SPOCK3: variants seen among roughly 807,000 people sequenced by gnomAD.
SPOCK3 encodes the protein testican-3.
SPOCK3 carries 30 observed loss-of-function variants against 56.6 expected under a neutral mutation model. That is an observed-to-expected ratio of 0.53 (90% CI 0.40 to 0.72). SPOCK3 has a LOEUF of 0.72. Among genes scored for constraint, SPOCK3 ranks in the 30% least tolerant of loss-of-function variants. SPOCK3 has a pLI of 0.00. For synonymous variants in SPOCK3, 196 were observed against 183.3 expected (o/e 1.07, Z -0.56); for missense variants, 527 against 530.0 (o/e 0.99, Z 0.06).
At chr4:167,195,921 G>T (rs564658078) in intron 2 of SPOCK3, among the ~76,000 whole-genome samples, 1 of 152,226 alleles carries the variant, frequency 6.6e-6, no homozygotes, top group Non-Finnish European at 1.5e-5. Context: ...ACTATTGCTG[G>T]GGGAAATACC....
At chr4:167,158,357 T>G (rs568501072) in intron 2 of SPOCK3, among the ~76,000 whole-genome samples, 1 of 151,976 alleles carries the variant, frequency 6.6e-6, no homozygotes. Flanking sequence ...TTGAAAAATA[T>G]ATTAAAATGT....
intron 2 of SPOCK3, among the ~76,000 whole-genome samples, chr4:167,093,375 G>T (rs1029729676): frequency 2.6e-5 from 4 of 152,022 alleles, no homozygotes; most frequent in African/African-American, 9.7e-5. Context: ...CATGTGCCAT[G>T]GTGGCTTGCT....
At chr4:167,048,186 T>A (rs1293541620) in intron 3 of SPOCK3, among the ~76,000 whole-genome samples, 1 of 152,152 alleles carries the variant, frequency 6.6e-6, no homozygotes, top group Admixed American at 6.6e-5. Flanking sequence ...TATATATTAA[T>A]TATATTGTCA....
intron 2 of SPOCK3, among the ~76,000 whole-genome samples, chr4:167,195,630 G>T (rs1369111798): frequency 6.6e-6 from 1 of 152,176 alleles, no homozygotes; most frequent in Non-Finnish European, 1.5e-5. Flanking sequence ...AAGGTCAGCA[G>T]GCCTATTACC....
intron 2 of SPOCK3, among the ~76,000 whole-genome samples, chr4:167,074,903 G>A (rs879672754): frequency 7.9e-5 from 12 of 151,792 alleles, no homozygotes; most frequent in Admixed American, 3.9e-4. Context: ...CATAGAGTAC[G>A]TACAATGTTT....
At chr4:167,053,602 T>C (rs1754448901) in intron 3 of SPOCK3, among the ~76,000 whole-genome samples, 1 of 151,962 alleles carries the variant, frequency 6.6e-6, no homozygotes, top group African/African-American at 2.4e-5. Context: ...GGAGAATTGC[T>C]TGAACCCAGG....
chr4:167,168,964 G>A (rs979387699), intron 2 of SPOCK3, among the ~76,000 whole-genome samples: 1 of 152,170 alleles, frequency 6.6e-6, no homozygotes, highest in African/African-American at 2.4e-5. Flanking sequence ...TTGGGCCATG[G>A]CTTTACAGAG....
At chr4:167,154,320 C>A (rs1029375077) in intron 2 of SPOCK3, among the ~76,000 whole-genome samples, 2 of 151,982 alleles carry the variant, frequency 1.3e-5, no homozygotes, top group African/African-American at 4.8e-5. Flanking sequence ...AGGGTTTGAG[C>A]AGCTCAATTT....
chr4:167,090,746 AC>A (rs1364081353), intron 2 of SPOCK3, among the ~76,000 whole-genome samples: 5 of 151,946 alleles, frequency 3.3e-5, no homozygotes, highest in Admixed American at 3.3e-4. Context: ...CAGGTGATCC[AC>A]CCACCTCGTC....
In SPOCK3 at chr4:167,133,636, C is replaced by T. The variant is rs57187560; in HGVS notation, c.190-71099G>A. On this transcript the variant is annotated intron_variant, in intron 2 of 10. Transcript: ENST00000357545. ...AAAATCTATTTTATTTTTAATCACA[C>T]GAGTTATCTTACTTAACTTGGGTTT... 1.0e-2 allele frequency among the ~76,000 whole-genome samples: 1,522 copies of T among 152,248 alleles called. 20 individuals are homozygous for T. The highest frequency in any genetic ancestry group is 0.033 in the African/African-American group (1,386 of 41,540).
chr4:166,781,489 A>G (rs1345697805), intron 7 of SPOCK3, among the ~76,000 whole-genome samples: 1 of 152,100 alleles, frequency 6.6e-6, no homozygotes, highest in African/African-American at 2.4e-5. Context: ...GAAAAGGAGT[A>G]GGAGGAAAAC....
chr4:166,913,600 AT>A (rs201568543), intron 4 of SPOCK3, among the ~76,000 whole-genome samples: 1 of 151,892 alleles, frequency 6.6e-6, no homozygotes, highest in African/African-American at 2.4e-5. Context: ...TACCAGAAAC[AT>A]TTTTTTTCTT....
intron 7 of SPOCK3, among the ~76,000 whole-genome samples, chr4:166,779,346 A>G (rs1001205477): frequency 2.0e-5 from 3 of 152,198 alleles, no homozygotes; most frequent in African/African-American, 4.8e-5. Flanking sequence ...TGTTGGGATT[A>G]GCGGATATCA....
chr4:166,785,114 G>A lies in SPOCK3; in HGVS notation c.709+7056C>T, dbSNP rs1740595271. The stretch of plus-strand genomic sequence containing the variant: ...CATCACCAAGCATTTTCATGCTAAT[G>A]ATAATAGGATGAGAGGCTAAATAGT... On this transcript the variant is annotated intron_variant, in intron 7 of 10. Transcript: ENST00000357545. Among the ~76,000 whole-genome samples, 4 of 152,070 alleles carry A rather than the reference G, an allele frequency of 2.6e-5. No homozygotes were observed. In the South Asian group the frequency reaches 8.3e-4, roughly 32 times the overall value.
chr4:167,110,204 T>C (rs1450472503), intron 2 of SPOCK3, among the ~76,000 whole-genome samples: 1 of 152,092 alleles, frequency 6.6e-6, no homozygotes. Context: ...CTTTGTCCTA[T>C]AATGCATTCA....
intron 2 of SPOCK3, among the ~76,000 whole-genome samples, chr4:167,109,511 TA>T (rs1561225828): frequency 2.5e-5 from 3 of 120,532 alleles, no homozygotes; most frequent in African/African-American, 1.0e-4. Context: ...TTATATAAAA[TA>T]TAATATTTAT....
At position 167,021,663 on chromosome 4, in the gene SPOCK3, T is replaced by TAA. The variant is rs562051254; in HGVS notation, c.236-21201_236-21200insTT. Among the ~76,000 whole-genome samples the TAA allele has an allele frequency of 5.0e-4, 76 of 152,024 alleles. No individual in the cohort carries two copies. In the East Asian group the frequency reaches 0.01, roughly 20 times the overall value. On this transcript the variant is annotated intron_variant, in intron 3 of 10. Transcript: ENST00000357545. ...ACTAACTTGAGGAAATTCCTAGAAT[T>TAA]ACAGCCACTGTCCTAGTAGGTTGCA...
chr4:166,768,490 C>T lies in SPOCK3; in HGVS notation c.710-13761G>A, dbSNP rs555217043. On this transcript the variant is annotated intron_variant, in intron 7 of 10. Transcript: ENST00000357545. ...TGAAATTCTGGGTTGAAAATTCTTT[C>T]CTTTAAGAATGTTGAATATTGGCCC... 3.3e-3 allele frequency among the ~76,000 whole-genome samples: 502 copies of T among 152,172 alleles called. 3 individuals carry two copies. Among genetic ancestry groups the T allele is most frequent in the African/African-American group, 0.011 (457 of 41,534 alleles).
At chr4:167,089,342 A>T (rs1758501316) in intron 2 of SPOCK3, among the ~76,000 whole-genome samples, 1 of 152,226 alleles carries the variant, frequency 6.6e-6, no homozygotes, top group East Asian at 1.9e-4. Context: ...GGCATGAGTT[A>T]AGATATTCTA....
Sources: allele counts gnomAD v4.1 joint callset (sites outside exome capture counted in the v4.1 genomes callset), GRCh38; gene constraint gnomAD v4.1.1; transcripts MANE v1.5; gene names NCBI Gene and HGNC (gene_info 2026-07-23, HGNC 2026-07-21).